STX8: variants seen among roughly 807,000 people sequenced by gnomAD.
The protein encoded by STX8 is syntaxin 8.
In STX8, 23 loss-of-function variants were observed where a neutral mutation model predicts 37.5. The observed-to-expected ratio is 0.61, with a 90% CI of 0.44 to 0.87. STX8 has a LOEUF of 0.87. Among genes scored for constraint, STX8 ranks in the 40% least tolerant of loss-of-function variants. The pLI is 0.00. For missense variants in STX8, 313 were observed against 284.7 expected, an observed-to-expected ratio of 1.10 and a Z score of -0.71; for synonymous variants, 115 against 99.1, an observed-to-expected ratio of 1.16 and a Z score of -0.95.
intron 6 of STX8, among the ~76,000 whole-genome samples, chr17:9,442,596 C>A (rs149117528): frequency 1.3e-5 from 2 of 152,090 alleles, no homozygotes; most frequent in Non-Finnish European, 2.9e-5. Flanking sequence ...TTTGTAGAGA[C>A]GGGGTTTCAC....
intron 4 of STX8, among the ~76,000 whole-genome samples, chr17:9,534,096 C>T (rs1050017510): frequency 6.6e-6 from 1 of 151,532 alleles, no homozygotes; most frequent in Non-Finnish European, 1.5e-5. Flanking sequence ...ACAAAAAAAG[C>T]CAAGATAAAA....
At chr17:9,430,163 A>ATATAATTTATATATAAACAAAATATAAAT (rs1555526715) in intron 6 of STX8, among the ~76,000 whole-genome samples, 1 of 107,462 alleles carries the variant, frequency 9.3e-6, no homozygotes, top group South Asian at 2.6e-4. Flanking sequence ...AAAATATAAA[A>ATATAATTTATATATAAACAAAATATAAAT]TATATATAAT....
chr17:9,385,080 G>T (rs574528894), intron 6 of STX8, among the ~76,000 whole-genome samples: 2 of 151,738 alleles, frequency 1.3e-5, no homozygotes, highest in South Asian at 4.2e-4. Flanking sequence ...TCTTGGACAG[G>T]ACATAAAAAG....
chr17:9,504,406 AT>A (rs1904741021), intron 5 of STX8, among the ~76,000 whole-genome samples: 1 of 152,142 alleles, frequency 6.6e-6, no homozygotes, highest in African/African-American at 2.4e-5. Flanking sequence ...ATATTTTATA[AT>A]TTAAAAAATA....
At chr17:9,440,823 C>A (rs1278524898) in intron 6 of STX8, among the ~76,000 whole-genome samples, 2 of 151,278 alleles carry the variant, frequency 1.3e-5, no homozygotes, top group South Asian at 2.1e-4. Flanking sequence ...CCGCATCCAG[C>A]CTGATTTTTT....
intron 7 of STX8, among the ~76,000 whole-genome samples, chr17:9,286,691 A>AAC (rs1003268647): frequency 6.6e-6 from 1 of 151,806 alleles, no homozygotes; most frequent in African/African-American, 2.4e-5. Context: ...GGAAGCAAAA[A>AAC]AAAAAAAAAA....
chr17:9,362,721 T>G (rs1308482701), intron 7 of STX8, among the ~76,000 whole-genome samples: 1 of 150,650 alleles, frequency 6.6e-6, no homozygotes, highest in African/African-American at 2.4e-5. Flanking sequence ...ACTAGGGAGG[T>G]TGAGGCAGGA....
chr17:9,548,897 G>A (rs770607885), intron 3 of STX8, among the ~76,000 whole-genome samples: 2 of 152,114 alleles, frequency 1.3e-5, no homozygotes, highest in Non-Finnish European at 2.9e-5. Flanking sequence ...TGCCTCTAAG[G>A]AAGGACAACT....
In STX8 at chr17:9,326,138, T is replaced by C. The variant is rs562362978; in HGVS notation, c.643+52414A>G. On this transcript the variant is annotated intron_variant, in intron 7 of 7. Coordinates refer to ENST00000306357, the MANE Select transcript of STX8 (RefSeq NM_004853.3). The stretch of plus-strand genomic sequence containing the variant: ...GGTTCTTCCCTGTTTCCTTTTTTTT[T>C]TTTTCTTTTTGAGACAGGGTCTCAC... Among the ~76,000 whole-genome samples, 847 of 152,100 alleles carry C rather than the reference T, an allele frequency of 5.6e-3. 12 individuals are homozygous for C. Among genetic ancestry groups the C allele is most frequent in the African/African-American group, 0.019 (798 of 41,540 alleles).
intron 7 of STX8, among the ~76,000 whole-genome samples, chr17:9,376,987 G>C (rs942043340): frequency 6.6e-6 from 1 of 152,134 alleles, no homozygotes; most frequent in Non-Finnish European, 1.5e-5. Flanking sequence ...CAGAAGCACA[G>C]GGCAGGATGG....
Position 9,503,105 on chromosome 17 carries a change from C to CAAAA in STX8, c.448+1929_448+1932dup, listed in dbSNP as rs61437085. 1.0e-2 allele frequency among the ~76,000 whole-genome samples: 558 copies of CAAAA among 56,060 alleles called. 1 individual carries two copies. The highest frequency in any genetic ancestry group is 0.019 in the East Asian group (32 of 1,696). The allele number at this position is 56,060 out of a possible 152,430, so 36.8% of individuals were successfully genotyped here. ...TAGGCAGCAAAGCCAGACTCTGTCT[C>CAAAA]AAAAAAAAAAAAAAAAAAAAAAGAG... On this transcript the variant is annotated intron_variant, in intron 5 of 7. Transcript: ENST00000306357.
intron 6 of STX8, among the ~76,000 whole-genome samples, chr17:9,380,838 C>T (rs1307695859): frequency 6.6e-6 from 1 of 151,208 alleles, no homozygotes; most frequent in African/African-American, 2.4e-5. Flanking sequence ...ATCAGCCTTC[C>T]AAGTAAGTGG....
At chr17:9,432,860 G>A (rs1914027249) in intron 6 of STX8, among the ~76,000 whole-genome samples, 1 of 152,158 alleles carries the variant, frequency 6.6e-6, no homozygotes, top group Non-Finnish European at 1.5e-5. Flanking sequence ...TTAGCTAAAG[G>A]TTTACGTACT....
chr17:9,312,453 G>A (rs1000742956), intron 7 of STX8, among the ~76,000 whole-genome samples: 2 of 148,864 alleles, frequency 1.3e-5, no homozygotes, highest in Non-Finnish European at 3.0e-5. Flanking sequence ...CACCTGCCTC[G>A]GCCTCCCAAA....
intron 4 of STX8, among the ~76,000 whole-genome samples, chr17:9,517,938 T>C (rs1420294128): frequency 1.3e-5 from 2 of 151,714 alleles, no homozygotes; most frequent in East Asian, 1.9e-4. Flanking sequence ...GTGTACCACA[T>C]AAACATGTGT....
intron 2 of STX8, among the ~76,000 whole-genome samples, chr17:9,563,152 C>CATTT (rs55853449): frequency 0.12 from 16,342 of 141,974 alleles, 1,027 homozygotes; most frequent in East Asian, 0.21. Flanking sequence ...TTCATTCATC[C>CATTT]ATTTATTTAT....
At chr17:9,408,872 A>G (rs1912886762) in intron 6 of STX8, among the ~76,000 whole-genome samples, 1 of 152,178 alleles carries the variant, frequency 6.6e-6, no homozygotes, top group African/African-American at 2.4e-5. Flanking sequence ...TGAGGGTCCT[A>G]TGCAGGTCCA....
chr17:9,352,820 A>G (rs1910756023), intron 7 of STX8, among the ~76,000 whole-genome samples: 1 of 151,834 alleles, frequency 6.6e-6, no homozygotes, highest in Non-Finnish European at 1.5e-5. Flanking sequence ...GGACTCATGG[A>G]TGCATTTTTC....
At chr17:9,271,765 AAAAG>A (rs1301862439) in intron 7 of STX8, among the ~76,000 whole-genome samples, 5 of 151,050 alleles carry the variant, frequency 3.3e-5, no homozygotes, top group Non-Finnish European at 7.4e-5. Context: ...AAAAAAAAAA[AAAAG>A]AAAGAAAGAA....
Sources: gnomAD v4.1 joint callset for allele counts (sites outside exome capture counted in the v4.1 genomes callset) on GRCh38, gnomAD v4.1.1 for gene constraint, MANE v1.5 for transcripts, NCBI Gene and HGNC (gene_info 2026-07-23, HGNC 2026-07-21) for gene names.